The following PCDHGB4 variants were observed in gnomAD, a reference collection of about 807,000 sequenced individuals.
PCDHGB4 encodes the protein protocadherin gamma subfamily B, 4.
Under a neutral mutation model 60.5 loss-of-function variants are expected in PCDHGB4, and 38 were observed. The observed-to-expected ratio is 0.63, with a 90% CI of 0.48 to 0.82. The LOEUF (loss-of-function observed/expected upper bound fraction) is 0.82. Among genes scored for constraint, PCDHGB4 ranks in the 40% least tolerant of loss-of-function variants. PCDHGB4 has a pLI of 0.00. For synonymous variants in PCDHGB4, 456 were observed against 509.7 expected (o/e 0.89, Z 1.42); for missense variants, 1,109 against 1,209.6 (o/e 0.92, Z 1.23).
chr5:141,389,855 G>T lies in PCDHGB4; in HGVS notation c.1971G>T (p.Thr657=). ...AGCCACCACTCTCGGCCACTGCCACGTTGCACCTGGTCTTCGCCGACAGCT... is the reference window on the plus strand; with the variant it reads ...AGCCACCACTCTCGGCCACTGCCACTTTGCACCTGGTCTTCGCCGACAGCT... ...GGQPPLSATA[T]LHLVFADSLQ... is the part of the protein sequence containing the mutation. The change falls in exon 1 of 4, where the codon ACG becomes ACT. Residue 657 remains threonine (T), a synonymous_variant. Transcript: ENST00000519479. 6.2e-7 allele frequency: 1 copy of T among 1,614,060 alleles called. No homozygotes were observed. The highest frequency in any genetic ancestry group is 8.5e-7 in the Non-Finnish European group (1 of 1,179,910).
At position 141,476,030 on chromosome 5, in the gene PCDHGB4, G is replaced by A; in HGVS notation, c.2398-18777G>A. On this transcript the variant is annotated intron_variant, in intron 1 of 3. Coordinates refer to ENST00000519479, the MANE Select transcript of PCDHGB4 (RefSeq NM_003736.4). This position sits in a 1 kb window ranked among gnomAD's most constrained non-coding sequence, Gnocchi z 7.6. ...AAAGCCATGTCGGACTCGGCGCCCA[G>A]CGCCCAAGCGCTAACCCGCTGAAAG... 2.7e-6 allele frequency: 4 copies of A among 1,459,176 alleles called. No individual in the cohort carries two copies. The highest frequency in any genetic ancestry group is 3.6e-6 in the Non-Finnish European group (4 of 1,096,658). The allele number at this position is 1,459,176 out of a possible 1,614,324, so 90.4% of individuals were successfully genotyped here. A position where few individuals can be genotyped will look rare whatever the true frequency, so the allele number is the denominator to read the frequency against.
chr5:141,424,962 C>G (rs1018789700), intron 1 of PCDHGB4, among the ~76,000 whole-genome samples: 2 of 152,116 alleles, frequency 1.3e-5, no homozygotes, highest in Admixed American at 6.6e-5. Flanking sequence ...GTATTTGCCC[C>G]AAATTACTTG....
Position 141,491,265 on chromosome 5 carries a change from CA to C in PCDHGB4, c.2398-3539del. ...AGGATGAGGACCCTGAGGAAATGCC[CA>C]AATCCAGTGACTTCCTCATACACCC... On this transcript the variant is annotated intron_variant, in intron 1 of 3. Coordinates refer to ENST00000519479, the MANE Select transcript of PCDHGB4 (RefSeq NM_003736.4). This position sits in a 1 kb window ranked among gnomAD's most constrained non-coding sequence, Gnocchi z 6.9. 1 of 1,614,074 alleles carries C rather than the reference CA, an allele frequency of 6.2e-7. No individual in the cohort carries two copies.
intron 1 of PCDHGB4, among the ~76,000 whole-genome samples, chr5:141,397,091 A>G (rs1162135708): frequency 1.3e-5 from 2 of 152,264 alleles, no homozygotes; most frequent in Non-Finnish European, 2.9e-5. Flanking sequence ...CATTTCAGAT[A>G]GGATAATAAT....
At chr5:141,399,095 T>G (rs1342683408) in intron 1 of PCDHGB4, 2 of 1,613,850 alleles carry the variant, frequency 1.2e-6, no homozygotes, top group East Asian at 2.2e-5. Context: ...GGTGGTGGAC[T>G]GGTTGCACAA....
At chr5:141,429,361 A>G (rs2097205912) in intron 1 of PCDHGB4, among the ~76,000 whole-genome samples, 1 of 150,698 alleles carries the variant, frequency 6.6e-6, no homozygotes, top group East Asian at 1.9e-4. Context: ...AATGCATGAG[A>G]AAATGGAGAA....
chr5:141,445,564 G>A (rs564704836), intron 1 of PCDHGB4, among the ~76,000 whole-genome samples: 20 of 152,306 alleles, frequency 1.3e-4, no homozygotes, highest in Admixed American at 1.2e-3. Context: ...CTAAGAGAAA[G>A]CTTATAGTAG....
chr5:141,389,785 ACGCCGTC>A lies in PCDHGB4; in HGVS notation c.1906_1912del (p.Val636SerfsTer53), dbSNP rs1561627912. The A allele has an allele frequency of 6.2e-7, 1 of 1,613,332 alleles. No individual in the cohort carries two copies. On this transcript the variant is annotated frameshift_variant, in exon 1 of 4. Coordinates refer to ENST00000519479, the MANE Select transcript of PCDHGB4 (RefSeq NM_003736.4). LOFTEE classifies it high-confidence loss of function. The stretch of plus-strand genomic sequence containing the variant: ...ACAGCGCGTGCCTTAGGCGACAGGG[ACGCCGTC>A]CGCCAGCGCCTTCTGGTCGCCGTGC...
At chr5:141,492,237 C>G (rs2099738580) in intron 1 of PCDHGB4, among the ~76,000 whole-genome samples, 1 of 152,206 alleles carries the variant, frequency 6.6e-6, no homozygotes, top group Admixed American at 6.5e-5. Flanking sequence ...TCCCTGCTGG[C>G]CACCCCCACG....
chr5:141,450,832 T>A (rs192186566), intron 1 of PCDHGB4, among the ~76,000 whole-genome samples: 5,292 of 142,276 alleles, frequency 0.037, 115 homozygotes, highest in Middle Eastern at 0.096. Flanking sequence ...TATTATTATT[T>A]TTTTTTTTTT....
At chr5:141,394,378 A>G (rs373024642) in intron 1 of PCDHGB4, 91 of 1,614,090 alleles carry the variant, frequency 5.6e-5, no homozygotes, top group Non-Finnish European at 6.9e-5. Flanking sequence ...TCTTTCGACT[A>G]TGAGCAGATC....
At chr5:141,446,049 G>T (rs1043671484) in intron 1 of PCDHGB4, among the ~76,000 whole-genome samples, 1 of 152,100 alleles carries the variant, frequency 6.6e-6, no homozygotes, top group African/African-American at 2.4e-5. Context: ...AAGAAGAGCT[G>T]GCTTGGATTA....
At position 141,477,271 on chromosome 5, in the gene PCDHGB4, G is replaced by T; in HGVS notation, c.2398-17536G>T. On this transcript the variant is annotated intron_variant, in intron 1 of 3. Transcript: ENST00000519479. The surrounding 1 kb of genome is among the most constrained non-coding windows in gnomAD (Gnocchi z 4.9). ...CTGACCTGGATGCTGGCGAGAACGG[G>T]CTGGTGACCTGCGAAGTTCCACCGG... The T allele has an allele frequency of 1.2e-6, 2 of 1,614,212 alleles. No homozygotes were observed. The highest frequency in any genetic ancestry group is 1.7e-6 in the Non-Finnish European group (2 of 1,180,044).
chr5:141,410,841 G>GT, intron 1 of PCDHGB4: 1 of 214,604 alleles, frequency 4.7e-6, no homozygotes, highest in Non-Finnish European at 7.8e-6. Context: ...AAGATATTTT[G>GT]TCTTTGTCTT....
At chr5:141,427,191 G>A (rs749528616) in intron 1 of PCDHGB4, 1 of 456,716 alleles carries the variant, frequency 2.2e-6, no homozygotes, top group South Asian at 1.5e-5. Flanking sequence ...TAAATCCAAA[G>A]ACTTAATAGA....
Position 141,432,394 on chromosome 5 carries a change from C to T in PCDHGB4, c.2397+42113C>T, listed in dbSNP as rs149830124. The T allele has an allele frequency of 1.7e-5, 27 of 1,614,260 alleles. No individual in the cohort carries two copies. The African/African-American group carries it at 2.7e-4, about 16-fold the overall frequency. On this transcript the variant is annotated intron_variant, in intron 1 of 3. Transcript: ENST00000519479. The surrounding 1 kb of genome is among the most constrained non-coding windows in gnomAD (Gnocchi z 6.0). ...ACGGGCACCCGCCCCTCAGCAGCAA[C>T]GTGTCGTTGAGCCTGTTCGTGCTGG...
intron 1 of PCDHGB4, chr5:141,419,910 C>A (rs539905795): frequency 1.9e-6 from 3 of 1,613,968 alleles, no homozygotes; most frequent in Non-Finnish European, 2.5e-6. Flanking sequence ...CCCTCTGACT[C>A]CCAGGCTGAG....
intron 1 of PCDHGB4, chr5:141,440,945 A>T (rs1210278728): frequency 2.6e-5 from 4 of 152,234 alleles, no homozygotes; most frequent in African/African-American, 9.7e-5. Flanking sequence ...CCAGGACTAG[A>T]GTGTCAAGGC....
chr5:141,435,897 A>G (rs1206255678), intron 1 of PCDHGB4, among the ~76,000 whole-genome samples: 2 of 152,166 alleles, frequency 1.3e-5, no homozygotes, highest in East Asian at 1.9e-4. Context: ...TAGAGAATGA[A>G]AGACATCCAA....
Sources: gnomAD v4.1 joint callset for allele counts (sites outside exome capture counted in the v4.1 genomes callset) on GRCh38, gnomAD v4.1.1 for gene constraint, Gnocchi (gnomAD v3.1) non-coding constraint, MANE v1.5 for transcripts, NCBI Gene and HGNC (gene_info 2026-07-23, HGNC 2026-07-21) for gene names.